Variants in CNBD1 observed in about 807,000 individuals in gnomAD.
CNBD1 encodes the protein cyclic nucleotide binding domain containing 1.
CNBD1 carries 71 observed loss-of-function variants against 54.4 expected under a neutral mutation model. The observed-to-expected ratio is 1.30, with a 90% CI of 1.08 to 1.59. CNBD1 has a LOEUF of 1.59. Among genes scored for constraint, CNBD1 ranks in the 40% most tolerant of loss-of-function variants. CNBD1 has a pLI of 0.00. For synonymous variants in CNBD1, 182 were observed against 170.7 expected, an observed-to-expected ratio of 1.07 and a Z score of -0.51; for missense variants, 659 against 518.0, an observed-to-expected ratio of 1.27 and a Z score of -2.64.
At chr8:87,337,968 A>T (rs1192138939) in intron 8 of CNBD1, among the ~76,000 whole-genome samples, 1 of 151,822 alleles carries the variant, frequency 6.6e-6, no homozygotes, top group African/African-American at 2.4e-5. Flanking sequence ...TTGTTTTTCT[A>T]TTTTTGTCTT....
intron 6 of CNBD1, among the ~76,000 whole-genome samples, chr8:87,277,936 CAAT>C (rs1054553967): frequency 2.0e-5 from 3 of 150,990 alleles, no homozygotes; most frequent in South Asian, 2.1e-4. Context: ...TATTAGTTCA[CAAT>C]AATAATAATA....
intron 6 of CNBD1, among the ~76,000 whole-genome samples, chr8:87,254,370 A>C (rs968294126): frequency 1.3e-4 from 20 of 152,228 alleles, no homozygotes; most frequent in African/African-American, 4.6e-4. Context: ...ATGTGGTTCA[A>C]TCAAAGCATT....
chr8:87,287,207 T>G (rs1409230704), intron 8 of CNBD1, among the ~76,000 whole-genome samples: 1 of 152,142 alleles, frequency 6.6e-6, no homozygotes, highest in East Asian at 1.9e-4. Context: ...GATGCACGGA[T>G]TTCCTGGATT....
chr8:87,055,883 T>TTTCCTTCC lies in CNBD1; in HGVS notation c.431+116186_431+116193dup, dbSNP rs71277912. On this transcript the variant is annotated intron_variant, in intron 4 of 10. Coordinates refer to ENST00000518476, the MANE Select transcript of CNBD1 (RefSeq NM_173538.3). Reference sequence around the variant, plus strand: ...TCCCTCCTTCCCTCCCTGCTTGACCTTTCCTTCCTTCCTTCCTTCCTTCCT... The same window carrying TTTCCTTCC: ...TCCCTCCTTCCCTCCCTGCTTGACCTTTCCTTCCTTCCTTCCTTCCTTCCTTCCTTCCT... Among the ~76,000 whole-genome samples the TTTCCTTCC allele has an allele frequency of 6.9e-3, 643 of 92,940 alleles. 3 individuals carry two copies. Among genetic ancestry groups the TTTCCTTCC allele is most frequent in the African/African-American group, 0.013 (312 of 23,674 alleles). 61.0% of individuals were successfully genotyped at this position (92,940 alleles called of 152,430 possible).
chr8:87,423,299 C>G (rs930889387), intron 2 of CNBD1, among the ~76,000 whole-genome samples: 44 of 148,990 alleles, frequency 3.0e-4, no homozygotes, highest in African/African-American at 8.2e-4. Context: ...CTGGCCAGAA[C>G]TTCCAACACT....
chr8:87,286,647 T>A lies in CNBD1; in HGVS notation c.1018T>A (p.Trp340Arg). Residue 340 changes from tryptophan (W) to arginine (R), a missense_variant, in exon 8 of 11, where the codon TGG becomes AGG. Trp to Arg is a moderately radical substitution (Grantham distance 101). Coordinates refer to ENST00000518476, the MANE Select transcript of CNBD1 (RefSeq NM_173538.3). ...ATATGAGCTAATTGCACTCCTTAAATGGAAAAAATTTCCTCCAGGTCATGG... is the reference window on the plus strand; with the variant it reads ...ATATGAGCTAATTGCACTCCTTAAAAGGAAAAAATTTCCTCCAGGTCATGG... The part of the protein sequence containing the change: ...SIYELIALLK[W>R]KKFPPGHVIV... 6.5e-7 allele frequency: 1 copy of A among 1,542,464 alleles called. No individual in the cohort carries two copies. Among genetic ancestry groups the A allele is most frequent in the Non-Finnish European group, 8.8e-7 (1 of 1,139,940 alleles).
chr8:87,380,591 C>G (rs141290467), intron 10 of CNBD1, among the ~76,000 whole-genome samples: 2,867 of 151,992 alleles, frequency 0.019, 91 homozygotes, highest in African/African-American at 0.062. Flanking sequence ...TTTATTGAAT[C>G]TGTAGGTCTC....
chr8:87,251,244 G>A (rs568317233), intron 6 of CNBD1, among the ~76,000 whole-genome samples: 5 of 152,142 alleles, frequency 3.3e-5, no homozygotes, highest in African/African-American at 7.2e-5. Context: ...TCTTCCTAAC[G>A]TTCTGAATGT....
At chr8:87,315,079 G>A (rs1809355109) in intron 8 of CNBD1, among the ~76,000 whole-genome samples, 1 of 151,862 alleles carries the variant, frequency 6.6e-6, no homozygotes, top group Non-Finnish European at 1.5e-5. Flanking sequence ...CTGAGAGATT[G>A]GAACATAAAT....
chr8:87,060,227 C>G (rs1373753000), intron 4 of CNBD1, among the ~76,000 whole-genome samples: 3 of 152,184 alleles, frequency 2.0e-5, no homozygotes, highest in Admixed American at 1.3e-4. Flanking sequence ...TCCAGTTAAA[C>G]CGTGCCTGAA....
At chr8:87,313,771 A>G (rs1346190479) in intron 8 of CNBD1, among the ~76,000 whole-genome samples, 1 of 151,956 alleles carries the variant, frequency 6.6e-6, no homozygotes, top group Non-Finnish European at 1.5e-5. Context: ...ATAGAAAATA[A>G]GATTAAATGC....
intron 2 of CNBD1, among the ~76,000 whole-genome samples, chr8:86,890,336 A>G (rs927396509): frequency 1.3e-5 from 2 of 152,100 alleles, no homozygotes; most frequent in African/African-American, 4.8e-5. Flanking sequence ...ATGTGAGATC[A>G]TATGGTATAT....
At chr8:86,877,200 T>G (rs1278033683) in intron 1 of CNBD1, among the ~76,000 whole-genome samples, 1 of 152,134 alleles carries the variant, frequency 6.6e-6, no homozygotes, top group Middle Eastern at 3.2e-3. Flanking sequence ...TAAGGGAATA[T>G]GTACAGATAT....
At chr8:87,323,657 C>A (rs1307441114) in intron 8 of CNBD1, among the ~76,000 whole-genome samples, 1 of 134,902 alleles carries the variant, frequency 7.4e-6, no homozygotes, top group Non-Finnish European at 1.6e-5. Context: ...GATTTTGTAT[C>A]CTGAGACTTT....
chr8:87,153,998 T>C (rs1469599073), intron 4 of CNBD1, among the ~76,000 whole-genome samples: 6 of 152,174 alleles, frequency 3.9e-5, no homozygotes, highest in African/African-American at 9.6e-5. Context: ...GGCTAGAATA[T>C]GGCAAGTGTT....
chr8:87,344,284 A>C (rs1390605803), intron 8 of CNBD1, among the ~76,000 whole-genome samples: 3 of 152,090 alleles, frequency 2.0e-5, no homozygotes, highest in Non-Finnish European at 4.4e-5. Flanking sequence ...AATGAGATTA[A>C]GGGTAAAATA....
intron 1 of CNBD1, among the ~76,000 whole-genome samples, chr8:86,883,638 A>G (rs1808635919): frequency 6.6e-6 from 1 of 152,174 alleles, no homozygotes; most frequent in Non-Finnish European, 1.5e-5. Context: ...AACATCACAC[A>G]GGGCGTAGTA....
At chr8:87,397,301 G>C (rs977994528) in intron 2 of CNBD1, among the ~76,000 whole-genome samples, 1 of 151,884 alleles carries the variant, frequency 6.6e-6, no homozygotes, top group Non-Finnish European at 1.5e-5. Flanking sequence ...TGTATCACTT[G>C]TTCAGAATAC....
intron 10 of CNBD1, among the ~76,000 whole-genome samples, chr8:87,374,651 T>C (rs1810888564): frequency 6.6e-6 from 1 of 151,816 alleles, no homozygotes; most frequent in Non-Finnish European, 1.5e-5. Flanking sequence ...TAACTGGCTC[T>C]GGTTAATAGA....
Sources: gnomAD v4.1 joint callset for allele counts (sites outside exome capture counted in the v4.1 genomes callset) on GRCh38, gnomAD v4.1.1 for gene constraint, MANE v1.5 for transcripts, NCBI Gene and HGNC (gene_info 2026-07-23, HGNC 2026-07-21) for gene names.